OTUD3: variants seen among roughly 807,000 people sequenced by gnomAD.
OTUD3 encodes the protein OTU deubiquitinase 3, also known as OTU domain-containing protein 3.
In OTUD3, 24 loss-of-function variants were observed where a neutral mutation model predicts 46.2. That is an observed-to-expected ratio of 0.52 (90% confidence interval 0.38 to 0.73). The LOEUF is 0.73. OTUD3 is among the 30% of genes least tolerant of loss of function. The probability of loss-of-function intolerance (pLI) is 0.00; values close to 1 mark genes in which losing one functional copy is unlikely to be tolerated. For synonymous variants in OTUD3, 189 were observed against 195.4 expected (o/e 0.97, Z 0.27); for missense variants, 455 against 523.3 (o/e 0.87, Z 1.27).
At chr1:19,896,504 C>A (rs1197130425) in intron 3 of OTUD3, among the ~76,000 whole-genome samples, 2 of 152,136 alleles carry the variant, frequency 1.3e-5, no homozygotes, top group Non-Finnish European at 2.9e-5. Flanking sequence ...TGTGTCTAAA[C>A]CAGACTCTCT....
At chr1:19,903,668 A>G (rs542807251) in intron 4 of OTUD3, among the ~76,000 whole-genome samples, 9 of 152,196 alleles carry the variant, frequency 5.9e-5, no homozygotes, top group Non-Finnish European at 1.2e-4. Flanking sequence ...TAAAGGTCTC[A>G]TGGATCCCAA....
rs36114504 is a variant in OTUD3, at chr1:19,903,040, C to CTT, written c.607-1203_607-1202dup. On this transcript the variant is annotated intron_variant, in intron 4 of 7. Coordinates refer to ENST00000375120, the MANE Select transcript of OTUD3 (RefSeq NM_015207.2). The stretch of plus-strand genomic sequence containing the variant: ...TAGCACTTTTACCTGAATCTTTTCT[C>CTT]TTTTTTTTTTTTTTTTTTTTTTTTT... Among the ~76,000 whole-genome samples the CTT allele has an allele frequency of 2.7e-3, 159 of 58,022 alleles. 1 individual carries two copies. Among genetic ancestry groups the CTT allele is most frequent in the East Asian group, 8.4e-3 (17 of 2,014 alleles). 38.1% of individuals were successfully genotyped at this position (58,022 alleles called of 152,430 possible).
At chr1:19,906,785 T>C (rs1449915253) in intron 7 of OTUD3, 169 bp downstream of exon 7, 5 of 607,358 alleles carry the variant, frequency 8.2e-6, no homozygotes, top group South Asian at 4.4e-5. Flanking sequence ...ACCTCACTTA[T>C]CCTGTTTGGT....
chr1:19,882,579 C>CAAGCGG lies in OTUD3; in HGVS notation c.67_72dup (p.Lys23_Arg24dup), dbSNP rs1165567368. The CAAGCGG allele has an allele frequency of 5.7e-6, 8 of 1,403,820 alleles. No individual in the cohort carries two copies. Among genetic ancestry groups the CAAGCGG allele is most frequent in the Non-Finnish European group, 6.5e-6 (7 of 1,084,828 alleles). 87.0% of individuals were successfully genotyped at this position (1,403,820 alleles called of 1,614,324 possible). On this transcript the variant is annotated inframe_insertion, in exon 1 of 8. Coordinates refer to ENST00000375120, the MANE Select transcript of OTUD3 (RefSeq NM_015207.2). ...GCAGCCGGAAAGCCGAGGCCGAGCG[C>CAAGCGG]AAGCGGGACGAGCGGGCGGCGCGCC...
intron 1 of OTUD3, among the ~76,000 whole-genome samples, chr1:19,885,610 C>T (rs2045347705): frequency 6.6e-6 from 1 of 152,196 alleles, no homozygotes; most frequent in South Asian, 2.1e-4. Flanking sequence ...CCTGCTACCA[C>T]AGCCAGCTAA....
At position 19,907,843 on chromosome 1, in the gene OTUD3, A is replaced by G; in HGVS notation, c.*97A>G. 3 of 1,141,732 alleles carry G rather than the reference A, an allele frequency of 2.6e-6. No homozygotes were observed. Among genetic ancestry groups the G allele is most frequent in the East Asian group, 2.5e-5 (1 of 40,668 alleles). The allele number at this position is 1,141,732 out of a possible 1,614,324, so 70.7% of individuals were successfully genotyped here. A position where few individuals can be genotyped will look rare whatever the true frequency, so the allele number is the denominator to read the frequency against. ...CCGTCCTTTTATAAAACGCAACACA[A>G]CCAACGAAGCCCACACATGAGCTCA... On this transcript the variant is annotated 3_prime_UTR_variant, in exon 8 of 8. Coordinates refer to ENST00000375120, the MANE Select transcript of OTUD3 (RefSeq NM_015207.2).
chr1:19,895,381 C>G (rs1359119878), intron 3 of OTUD3, among the ~76,000 whole-genome samples: 1 of 152,216 alleles, frequency 6.6e-6, no homozygotes, highest in Non-Finnish European at 1.5e-5. Context: ...ACTATCAACA[C>G]AGACTAGTCT....
At chr1:19,904,848 A>C in intron 5 of OTUD3, 43 bp from the exon 6 acceptor site, 3 of 934,402 alleles carry the variant, frequency 3.2e-6, no homozygotes, top group Non-Finnish European at 5.1e-6. Context: ...AAATATACCC[A>C]GAGTTTTGAA....
At chr1:19,905,062 C>T in intron 6 of OTUD3, 75 bp downstream of exon 6, 1 of 846,516 alleles carries the variant, frequency 1.2e-6, no homozygotes, top group East Asian at 2.5e-5. Flanking sequence ...ATTTTTTAAC[C>T]AAGTCACAGG....
In OTUD3 at chr1:19,897,655, A is replaced by G. The variant is rs1360618637; in HGVS notation, c.599A>G (p.Gln200Arg). The part of the protein sequence containing the change: ...NDNSEAPAHL[Q>R]TDFQMLHQDE... ...AACTCAGAGGCACCTGCACATCTCCAGACGGATGTGAGTGAGGCCTCGGAT... is the reference window on the plus strand; with the variant it reads ...AACTCAGAGGCACCTGCACATCTCCGGACGGATGTGAGTGAGGCCTCGGAT... Residue 200 changes from glutamine to arginine, a missense_variant, in exon 4 of 8, where the codon CAG becomes CGG. Gln to Arg is a conservative substitution (Grantham distance 43, BLOSUM62 1). Transcript: ENST00000375120. 6.2e-7 allele frequency: 1 copy of G among 1,612,534 alleles called. No individual in the cohort carries two copies. The highest frequency in any genetic ancestry group is 2.2e-5 in the East Asian group (1 of 44,662).
chr1:19,912,131 G>T lies in OTUD3; in HGVS notation c.*4385G>T, dbSNP rs1446414972. ...TGCATAGGGAATTTATTCTAAGCAG[G>T]TCATAGCCGTGATCCAGAGCTGCTG... On this transcript the variant is annotated 3_prime_UTR_variant, in exon 8 of 8. Transcript: ENST00000375120. 6.6e-6 allele frequency: 1 copy of T among 152,380 alleles called. No individual in the cohort carries two copies. Among genetic ancestry groups the T allele is most frequent in the Non-Finnish European group, 1.5e-5 (1 of 68,046 alleles). 9.4% of individuals were successfully genotyped at this position (152,380 alleles called of 1,614,324 possible).
In OTUD3 at chr1:19,897,593, T is replaced by C. The variant is rs1205105311; in HGVS notation, c.537T>C (p.Tyr179=). Residue 179 remains tyrosine (Y), a synonymous_variant, in exon 4 of 8, where the codon TAT becomes TAC. Coordinates refer to ENST00000375120, the MANE Select transcript of OTUD3 (RefSeq NM_015207.2). ...GGGAGTTACACATCGCATATCGGTA[T>C]GGAGAGCACTACGACAGTGTTCGGA... The part of the protein sequence containing the change: ...SVRELHIAYR[Y]GEHYDSVRRI... The C allele has an allele frequency of 6.2e-7, 1 of 1,614,018 alleles. No individual in the cohort carries two copies.
At chr1:19,897,945 A>G (rs919409217) in intron 4 of OTUD3, 5 of 192,228 alleles carry the variant, frequency 2.6e-5, no homozygotes, top group Admixed American at 6.3e-5. Context: ...ATTAATCCAC[A>G]CCTTTTTTTT....
chr1:19,895,121 CTT>C (rs1286366231), intron 3 of OTUD3, among the ~76,000 whole-genome samples: 1 of 152,150 alleles, frequency 6.6e-6, no homozygotes, highest in Non-Finnish European at 1.5e-5. Context: ...TTTTTACACA[CTT>C]TTAAAACACA....
Position 19,905,009 on chromosome 1 carries a change from A to G in OTUD3, c.835+22A>G, listed in dbSNP as rs548660629. 5.9e-6 allele frequency: 7 copies of G among 1,179,648 alleles called. No homozygotes were observed. In the East Asian group the frequency reaches 1.2e-4, roughly 20 times the overall value. 73.1% of individuals were successfully genotyped at this position (1,179,648 alleles called of 1,614,324 possible). A position where few individuals can be genotyped will look rare whatever the true frequency, so the allele number is the denominator to read the frequency against. Reference sequence around the variant, plus strand: ...AATAGTAAGTCCATGACTAATATTTATAGATCTTCAAAATGGTTGTGTTGG... The same window carrying G: ...AATAGTAAGTCCATGACTAATATTTGTAGATCTTCAAAATGGTTGTGTTGG... On this transcript the variant is annotated intron_variant, in intron 6 of 7. Coordinates refer to ENST00000375120, the MANE Select transcript of OTUD3 (RefSeq NM_015207.2).
intron 1 of OTUD3, 111 bp from the exon 2 acceptor site, chr1:19,890,274 A>T: frequency 9.4e-7 from 1 of 1,062,810 alleles, no homozygotes; most frequent in Non-Finnish European, 1.4e-6. Flanking sequence ...TTGAGTCTTT[A>T]CCTCTGTGTG....
Position 19,906,537 on chromosome 1 carries a change from A to T in OTUD3, c.941A>T (p.Asn314Ile), listed in dbSNP as rs764945746. Residue 314 changes from asparagine to isoleucine, a missense_variant, in exon 7 of 8, where the codon AAT (asparagine) becomes ATT (isoleucine). Asn to Ile is a moderately radical substitution (Grantham distance 149). Transcript: ENST00000375120. ...AGAATCTTTGGAAATCAGGGCTTAA[A>T]TGAAGGCAGGACCGAAAACAATAAG... ...GARIFGNQGLNEGRTENNKAQ... is the reference protein window; with the variant it reads ...GARIFGNQGLIEGRTENNKAQ... 8 of 1,613,938 alleles carry T rather than the reference A, an allele frequency of 5.0e-6. No homozygotes were observed. The Middle Eastern group carries it at 6.8e-4, about 136-fold the overall frequency.
At chr1:19,902,263 G>A (rs1356165539) in intron 4 of OTUD3, among the ~76,000 whole-genome samples, 5 of 152,074 alleles carry the variant, frequency 3.3e-5, no homozygotes, top group Non-Finnish European at 7.4e-5. Context: ...GGAGTGCAGC[G>A]GCACGATCGT....
At chr1:19,887,182 T>G (rs964381213) in intron 1 of OTUD3, among the ~76,000 whole-genome samples, 18 of 151,886 alleles carry the variant, frequency 1.2e-4, no homozygotes, top group Admixed American at 1.1e-3. Context: ...CCTCCCAGGT[T>G]CAAGCGATTC....
Sources: gnomAD v4.1 joint callset for allele counts (sites outside exome capture counted in the v4.1 genomes callset) on GRCh38, gnomAD v4.1.1 for gene constraint, MANE v1.5 for transcripts, NCBI Gene and HGNC (gene_info 2026-07-23, HGNC 2026-07-21) for gene names.